The following TES variants were observed in gnomAD, a reference collection of about 807,000 sequenced individuals.
TES encodes testin.
A neutral mutation model predicts 48.2 loss-of-function variants in TES; 41 were observed. The ratio of observed to expected loss-of-function variants is 0.85; its 90% confidence interval spans 0.66 to 1.10. The LOEUF is 1.10. TES is among the 50% of genes least tolerant of loss of function. TES has a pLI of 0.00. For synonymous variants in TES, 162 were observed against 174.9 expected, an observed-to-expected ratio of 0.93 and a Z score of 0.58; for missense variants, 463 against 515.1, an observed-to-expected ratio of 0.90 and a Z score of 0.98.
At chr7:116,255,014 C>A (rs1483915958) in intron 6 of TES, 3 of 138,264 alleles carry the variant, frequency 2.2e-5, no homozygotes, top group Non-Finnish European at 3.1e-5. Context: ...AGAGAAAATA[C>A]AAATTATTTT....
At chr7:116,217,999 A>T (rs1453180023) in intron 1 of TES, 1 of 463,570 alleles carries the variant, frequency 2.2e-6, no homozygotes, top group Non-Finnish European at 4.3e-6. Flanking sequence ...CATAGTTTAG[A>T]ATTGCCAATT....
Position 116,257,526 on chromosome 7 carries a change from G to A in TES, c.*44G>A, listed in dbSNP as rs1800119944. On this transcript the variant is annotated 3_prime_UTR_variant, in exon 7 of 7. Transcript: ENST00000358204. The stretch of plus-strand genomic sequence containing the variant: ...TATCGAGCCATAGCTATCCAAAGTG[G>A]TCTGCATTTCTACTGTAAAATGCAA... 7.1e-7 allele frequency: 1 copy of A among 1,402,484 alleles called. No homozygotes were observed. Among genetic ancestry groups the A allele is most frequent in the East Asian group, 2.6e-5 (1 of 38,724 alleles). 86.9% of individuals were successfully genotyped at this position (1,402,484 alleles called of 1,614,324 possible). A position where few individuals can be genotyped will look rare whatever the true frequency, so the allele number is the denominator to read the frequency against.
chr7:116,219,336 G>A (rs1799529819), intron 1 of TES, among the ~76,000 whole-genome samples: 3 of 152,120 alleles, frequency 2.0e-5, no homozygotes, highest in Admixed American at 2.0e-4. Flanking sequence ...GAATTAAAGA[G>A]GTATGTCACT....
At chr7:116,221,379 A>G (rs1799556268) in intron 1 of TES, among the ~76,000 whole-genome samples, 1 of 152,108 alleles carries the variant, frequency 6.6e-6, no homozygotes, top group Non-Finnish European at 1.5e-5. Context: ...CCCTGATTGG[A>G]ATCTTCCTCA....
intron 2 of TES, among the ~76,000 whole-genome samples, chr7:116,247,825 T>G (rs1050246318): frequency 2.6e-5 from 4 of 152,210 alleles, no homozygotes; most frequent in Middle Eastern, 3.2e-3. Context: ...ACCTTCCATT[T>G]TAGGTTCAGA....
Position 116,257,502 on chromosome 7 carries a change from A to G in TES, c.*20A>G, listed in dbSNP as rs1179079914. ...TCTTAGGAGGAGGGCACCCAGAAGT[A>G]TCGAGCCATAGCTATCCAAAGTGGT... is the stretch of plus-strand genomic sequence containing the variant. On this transcript the variant is annotated 3_prime_UTR_variant, in exon 7 of 7. Coordinates refer to ENST00000358204, the MANE Select transcript of TES (RefSeq NM_015641.4). 6.3e-7 allele frequency: 1 copy of G among 1,582,296 alleles called. No individual in the cohort carries two copies.
chr7:116,236,952 C>T (rs750537202), intron 2 of TES, among the ~76,000 whole-genome samples: 2 of 152,186 alleles, frequency 1.3e-5, no homozygotes, highest in African/African-American at 2.4e-5. Context: ...GTAGTTCTGA[C>T]ATCTTCCTGG....
intron 3 of TES, 57 bp downstream of exon 3, chr7:116,249,329 G>A (rs1799971449): frequency 1.2e-6 from 2 of 1,603,652 alleles, no homozygotes. Flanking sequence ...ATTTATTTGG[G>A]GCAGTTTCTT....
chr7:116,210,580 G>C lies in TES; in HGVS notation c.-128G>C, dbSNP rs978439017. 9.5e-7 allele frequency: 1 copy of C among 1,048,046 alleles called. No homozygotes were observed. Among genetic ancestry groups the C allele is most frequent in the East Asian group, 3.5e-5 (1 of 28,930 alleles). The allele number at this position is 1,048,046 out of a possible 1,614,324, so 64.9% of individuals were successfully genotyped here. On this transcript the variant is annotated 5_prime_UTR_variant, in exon 1 of 7. Transcript: ENST00000358204. ...CGGCGGAAGTTCGACGGCGCCGGGC[G>C]AGTGGCTGTTGAGCGGCGCCGCGGG... is the stretch of plus-strand genomic sequence containing the variant.
chr7:116,238,682 A>C (rs1374334271), intron 2 of TES, among the ~76,000 whole-genome samples: 1 of 151,496 alleles, frequency 6.6e-6, no homozygotes. Flanking sequence ...GCTCACTGCA[A>C]CCTCTGCCTC....
rs74892997 is a variant in TES at position 116,258,190 on chromosome 7, A to ATTTTTTTTTT, written c.*712_*721dup. 6.7e-6 allele frequency: 1 copy of ATTTTTTTTTT among 148,322 alleles called. No homozygotes were observed. The allele number at this position is 148,322 out of a possible 1,614,324, so 9.2% of individuals were successfully genotyped here. A position where few individuals can be genotyped will look rare whatever the true frequency, so the allele number is the denominator to read the frequency against. The stretch of plus-strand genomic sequence containing the variant: ...CAGTATCCACACTTTTTAGTTCTTT[A>ATTTTTTTTTT]TTTTTTTTTTTTTATTTTGAGCAAT... On this transcript the variant is annotated 3_prime_UTR_variant, in exon 7 of 7. Coordinates refer to ENST00000358204, the MANE Select transcript of TES (RefSeq NM_015641.4).
intron 1 of TES, among the ~76,000 whole-genome samples, chr7:116,227,128 A>C (rs949197413): frequency 5.9e-5 from 7 of 118,386 alleles, no homozygotes; most frequent in Non-Finnish European, 1.1e-4. Context: ...TTATTTATTT[A>C]TTTATTGGAG....
chr7:116,250,565 C>T, intron 4 of TES, 69 bp downstream of exon 4: 1 of 1,253,118 alleles, frequency 8.0e-7, no homozygotes, highest in Non-Finnish European at 1.0e-6. Context: ...TTACTTTGAA[C>T]TTTTTTGGGG....
At chr7:116,212,037 G>A (rs1014106434) in intron 1 of TES, among the ~76,000 whole-genome samples, 9 of 149,410 alleles carry the variant, frequency 6.0e-5, no homozygotes, top group Middle Eastern at 3.2e-3. Flanking sequence ...TTAAATAACT[G>A]TAATATTTTT....
intron 2 of TES, among the ~76,000 whole-genome samples, chr7:116,234,951 T>G (rs1204917428): frequency 6.7e-6 from 1 of 149,500 alleles, no homozygotes; most frequent in African/African-American, 2.4e-5. Flanking sequence ...ATTTATTTGT[T>G]ACTTTTTTTT....
At chr7:116,242,402 T>C (rs1487878841) in intron 2 of TES, among the ~76,000 whole-genome samples, 1 of 152,222 alleles carries the variant, frequency 6.6e-6, no homozygotes, top group Non-Finnish European at 1.5e-5. Context: ...TTAGAAAGAT[T>C]ATTTTATAGC....
intron 2 of TES, among the ~76,000 whole-genome samples, chr7:116,243,298 A>G (rs1441209445): frequency 6.6e-6 from 1 of 151,646 alleles, no homozygotes; most frequent in African/African-American, 2.4e-5. Context: ...TCAGATCGCC[A>G]CTCTTATTGT....
At chr7:116,236,311 C>T (rs6959237) in intron 2 of TES, among the ~76,000 whole-genome samples, 50,787 of 151,974 alleles carry the variant, frequency 0.33, 8,943 homozygotes, top group East Asian at 0.57. Context: ...AGTGTCAACA[C>T]GATGCCACAA....
intron 2 of TES, among the ~76,000 whole-genome samples, chr7:116,246,563 T>C (rs1421840337): frequency 6.6e-6 from 1 of 152,226 alleles, no homozygotes; most frequent in African/African-American, 2.4e-5. Flanking sequence ...CACCCTCCTA[T>C]TGACTCATCT....
Sources: allele counts gnomAD v4.1 joint callset (sites outside exome capture counted in the v4.1 genomes callset), GRCh38; gene constraint gnomAD v4.1.1; transcripts MANE v1.5; gene names NCBI Gene and HGNC (gene_info 2026-07-23, HGNC 2026-07-21).